Variants in ZNF655 observed in about 807,000 individuals in gnomAD.
The protein encoded by ZNF655 is zinc finger protein 655.
ZNF655 carries 3 observed loss-of-function variants against 6.6 expected under a neutral mutation model. The ratio of observed to expected loss-of-function variants is 0.46; its 90% confidence interval spans 0.21 to 1.18. The LOEUF (loss-of-function observed/expected upper bound fraction) is 1.18. Among genes scored for constraint, ZNF655 ranks in the 50% most tolerant of loss-of-function variants. The probability of loss-of-function intolerance (pLI) is 0.24; values close to 1 mark genes in which losing one functional copy is unlikely to be tolerated. For missense variants in ZNF655, 526 were observed against 572.3 expected (o/e 0.92, Z 0.83); for synonymous variants, 178 against 195.0 (o/e 0.91, Z 0.73).
In ZNF655 at chr7:99,560,648, A is replaced by G; in HGVS notation, c.89A>G (p.Glu30Gly). Residue 30 changes from glutamate to glycine, a missense_variant, in exon 2 of 3, where the codon GAG (glutamate) becomes GGG (glycine). Coordinates refer to ENST00000252713, the MANE Select transcript of ZNF655 (RefSeq NM_138494.3). ...ACCCAGTCTGAGTGTCTGTCCCCAG[A>G]GCCTCAGTTTGTGCAGGACACCGAC... ...LETQSECLSP[E>G]PQFVQDTDME... 6.2e-7 allele frequency: 1 copy of G among 1,614,114 alleles called. No individual in the cohort carries two copies. The highest frequency in any genetic ancestry group is 1.3e-5 in the African/African-American group (1 of 75,024).
At chr7:99,562,512 A>T (rs771257714) in intron 2 of ZNF655, 1 of 1,605,996 alleles carries the variant, frequency 6.2e-7, no homozygotes. Flanking sequence ...CTTCCTTATT[A>T]TTCGGTTTAT....
At chr7:99,566,968 G>A (rs1562935113) in intron 2 of ZNF655, among the ~76,000 whole-genome samples, 1 of 151,902 alleles carries the variant, frequency 6.6e-6, no homozygotes, top group Non-Finnish European at 1.5e-5. Context: ...CGCTCAGGCT[G>A]GAGTGTGGTG....
intron 2 of ZNF655, chr7:99,562,563 A>G: frequency 6.5e-7 from 1 of 1,535,146 alleles, no homozygotes; most frequent in African/African-American, 1.4e-5. Flanking sequence ...TCCTAAGTAT[A>G]AGGTCTCTGA....
chr7:99,572,640 T>C lies in ZNF655; in HGVS notation c.532T>C (p.Leu178=), dbSNP rs1429890308. Residue 178 remains leucine (L), a synonymous_variant, in exon 3 of 3, where the codon TTA becomes CTA. Transcript: ENST00000252713. ...TTCAGCCTCTGGTAAACATGAACAC[T>C]TAAATCTAACAGAGGATTTTCAGAG... ...QNSASGKHEH[L]NLTEDFQSSE... 1 of 1,613,670 alleles carries C rather than the reference T, an allele frequency of 6.2e-7. No homozygotes were observed. Among genetic ancestry groups the C allele is most frequent in the Non-Finnish European group, 8.5e-7 (1 of 1,179,892 alleles).
At chr7:99,559,853 C>T (rs1194975931) in intron 1 of ZNF655, among the ~76,000 whole-genome samples, 1 of 146,212 alleles carries the variant, frequency 6.8e-6, no homozygotes, top group African/African-American at 2.6e-5. Context: ...GTCTGGAACT[C>T]CTGAGCTTAA....
chr7:99,562,456 A>T lies in ZNF655; in HGVS notation c.136+1761A>T, dbSNP rs144903820. The T allele has an allele frequency of 1.4e-3, 2,212 of 1,614,078 alleles. 30 individuals carry two copies. The African/African-American group carries it at 0.027, about 20-fold the overall frequency. On this transcript the variant is annotated intron_variant, in intron 2 of 2. Transcript: ENST00000252713. ...CCTGTTCAGAGGGACCTCTACAGAG[A>T]AGTGATGTTAGAGAATTATGGGAAC...
intron 2 of ZNF655, among the ~76,000 whole-genome samples, chr7:99,569,177 G>T (rs551851044): frequency 1.3e-5 from 2 of 152,190 alleles, no homozygotes; most frequent in East Asian, 1.9e-4. Flanking sequence ...TCTGTTGTTT[G>T]TATTTACCTT....
intron 2 of ZNF655, among the ~76,000 whole-genome samples, chr7:99,567,908 A>G (rs890603581): frequency 1.3e-5 from 2 of 151,604 alleles, no homozygotes; most frequent in East Asian, 2.0e-4. Flanking sequence ...AAAATACAAA[A>G]ATTAGCTGGG....
In ZNF655 at chr7:99,572,853, T is replaced by C. The variant is rs367700089; in HGVS notation, c.745T>C (p.Phe249Leu). 5 of 1,613,980 alleles carry C rather than the reference T, an allele frequency of 3.1e-6. No homozygotes were observed. The highest frequency in any genetic ancestry group is 4.2e-6 in the Non-Finnish European group (5 of 1,179,988). ...CAAATGTAAAGAATGTGAAAAGTCT[T>C]TCAGTCAGAGCTCAAGTCTTAGTCG... ...PYKCKECEKS[F>L]SQSSSLSRHK... Residue 249 changes from phenylalanine (F) to leucine (L), a missense_variant, in exon 3 of 3, where the codon TTC becomes CTC. Transcript: ENST00000252713.
At chr7:99,563,141 G>A (rs192167041) in intron 2 of ZNF655, 1 of 450,736 alleles carries the variant, frequency 2.2e-6, no homozygotes. Flanking sequence ...CCCATGCTGA[G>A]GTGGGGTCAA....
rs533962286 is a variant in ZNF655, at chr7:99,572,632, A to G, written c.524A>G (p.His175Arg). The change falls in exon 3 of 3, where the codon CAT becomes CGT. Residue 175 changes from histidine (H) to arginine (R), a missense_variant. Coordinates refer to ENST00000252713, the MANE Select transcript of ZNF655 (RefSeq NM_138494.3). Reference protein sequence around the residue: ...SFNQNSASGKHEHLNLTEDFQ... With the variant: ...SFNQNSASGKREHLNLTEDFQ... Reference sequence around the variant, plus strand: ...AACCAGAATTCAGCCTCTGGTAAACATGAACACTTAAATCTAACAGAGGAT... The same window carrying G: ...AACCAGAATTCAGCCTCTGGTAAACGTGAACACTTAAATCTAACAGAGGAT... 1.9e-5 allele frequency: 31 copies of G among 1,613,702 alleles called. 1 individual carries two copies. In the South Asian group the frequency reaches 2.6e-4, roughly 14 times the overall value.
chr7:99,564,279 T>C, intron 2 of ZNF655: 1 of 1,316,674 alleles, frequency 7.6e-7, no homozygotes, highest in African/African-American at 1.5e-5. Context: ...ATTCAGCTCT[T>C]CAGTTATGGT....
At chr7:99,572,109 G>C (rs1401959808) in intron 2 of ZNF655, 136 bp from the exon 3 acceptor site, 17 of 914,246 alleles carry the variant, frequency 1.9e-5, no homozygotes, top group Middle Eastern at 3.4e-4. Context: ...TTGAGATTTT[G>C]TGCCTGTTTT....
chr7:99,560,269 A>C (rs1278792650), intron 1 of ZNF655, among the ~76,000 whole-genome samples: 6 of 151,708 alleles, frequency 4.0e-5, no homozygotes, highest in African/African-American at 1.5e-4. Flanking sequence ...TTTTTAGTAG[A>C]GAAGAAGTTG....
Position 99,573,521 on chromosome 7 carries a change from G to T in ZNF655, c.1413G>T (p.Lys471Asn), listed in dbSNP as rs756776052. Reference protein sequence around the residue: ...QKAFDCDVWEKNSSQRAHLVQ... With the variant: ...QKAFDCDVWENNSSQRAHLVQ... ...CCTTTGATTGTGATGTATGGGAAAAGAACTCCAGTCAGAGAGCACATCTAG... is the reference window on the plus strand; with the variant it reads ...CCTTTGATTGTGATGTATGGGAAAATAACTCCAGTCAGAGAGCACATCTAG... The change falls in exon 3 of 3, where the codon AAG becomes AAT. Residue 471 changes from lysine to asparagine, a missense_variant. Transcript: ENST00000252713. 6.2e-7 allele frequency: 1 copy of T among 1,610,888 alleles called. No homozygotes were observed. The highest frequency in any genetic ancestry group is 8.5e-7 in the Non-Finnish European group (1 of 1,179,974).
At chr7:99,566,401 C>A (rs1480756552) in intron 2 of ZNF655, among the ~76,000 whole-genome samples, 2 of 152,120 alleles carry the variant, frequency 1.3e-5, no homozygotes, top group African/African-American at 2.4e-5. Context: ...GTAAAACTCT[C>A]TAGGGACACA....
chr7:99,573,367 C>G lies in ZNF655; in HGVS notation c.1259C>G (p.Thr420Ser). 1.2e-6 allele frequency: 2 copies of G among 1,614,148 alleles called. No individual in the cohort carries two copies. The highest frequency in any genetic ancestry group is 2.2e-5 in the South Asian group (2 of 91,088). The change falls in exon 3 of 3, where the codon ACC becomes AGC. Residue 420 changes from threonine to serine, a missense_variant. By Grantham distance (58) the Thr-to-Ser change is moderately conservative. Transcript: ENST00000252713. ...GAATGTGGAAAAGCTTTCAGTCAAA[C>G]CTCATGCCTTATTCAGCATCACAAA... ...CNECGKAFSQ[T>S]SCLIQHHKMH...
intron 2 of ZNF655, chr7:99,563,885 C>T (rs1803416675): frequency 6.2e-7 from 1 of 1,612,056 alleles, no homozygotes; most frequent in Non-Finnish European, 8.5e-7. Flanking sequence ...GCCTTCCCAC[C>T]ACCCGGATTC....
At chr7:99,563,428 C>T (rs1264888295) in intron 2 of ZNF655, among the ~76,000 whole-genome samples, 8 of 152,174 alleles carry the variant, frequency 5.3e-5, no homozygotes, top group African/African-American at 1.9e-4. Flanking sequence ...AAGCGATTCT[C>T]CTGCCTCAGC....
Sources: allele counts gnomAD v4.1 joint callset (sites outside exome capture counted in the v4.1 genomes callset), GRCh38; gene constraint gnomAD v4.1.1; transcripts MANE v1.5; gene names NCBI Gene and HGNC (gene_info 2026-07-23, HGNC 2026-07-21).